PPP6R3: variants seen among roughly 807,000 people sequenced by gnomAD.
PPP6R3 encodes the protein protein phosphatase 6 regulatory subunit 3, also known as serine/threonine-protein phosphatase 6 regulatory subunit 3.
Under a neutral mutation model 110.7 loss-of-function variants are expected in PPP6R3, and 38 were observed. The ratio of observed to expected loss-of-function variants is 0.34; its 90% CI spans 0.26 to 0.45. The LOEUF is 0.45. Among genes scored for constraint, PPP6R3 ranks in the 20% least tolerant of loss-of-function variants. The probability of loss-of-function intolerance (pLI) is 1.00; values close to 1 mark genes in which losing one functional copy is unlikely to be tolerated. For missense variants in PPP6R3, 870 were observed against 1,062.4 expected (o/e 0.82, Z 2.52); for synonymous variants, 369 against 373.5 (o/e 0.99, Z 0.14).
chr11:68,609,754 T>C, intron 22 of PPP6R3, 150 bp from the exon 23 acceptor site: 3 of 1,554,936 alleles, frequency 1.9e-6, no homozygotes, highest in Non-Finnish European at 2.7e-6. Flanking sequence ...TGTGGTTGTG[T>C]GATCGTGCAC....
intron 3 of PPP6R3, among the ~76,000 whole-genome samples, chr11:68,542,394 T>G (rs902431118): frequency 5.2e-5 from 5 of 95,720 alleles, no homozygotes; most frequent in Non-Finnish European, 1.1e-4. Flanking sequence ...CTGCTGTTTT[T>G]TTTTTTTTTT....
intron 1 of PPP6R3, among the ~76,000 whole-genome samples, chr11:68,481,368 C>A (rs2098910259): frequency 6.6e-6 from 1 of 152,152 alleles, no homozygotes; most frequent in South Asian, 2.1e-4. Context: ...AGCAGGAGCA[C>A]ACTGCTGATC....
At chr11:68,474,319 T>G (rs550283069) in intron 1 of PPP6R3, among the ~76,000 whole-genome samples, 1 of 152,358 alleles carries the variant, frequency 6.6e-6, no homozygotes, top group South Asian at 2.1e-4. Context: ...GTGTTGGGAT[T>G]ACAGGCATGT....
intron 12 of PPP6R3, among the ~76,000 whole-genome samples, chr11:68,573,154 A>ATATATATATATATAT (rs35361909): frequency 4.9e-3 from 364 of 73,922 alleles, no homozygotes; most frequent in Non-Finnish European, 6.3e-3. Context: ...ATATATATAT[A>ATATATATATATATAT]ATTTTTTTTT....
chr11:68,603,784 G>C (rs974117317), intron 22 of PPP6R3, among the ~76,000 whole-genome samples: 2 of 152,184 alleles, frequency 1.3e-5, no homozygotes, highest in African/African-American at 4.8e-5. Flanking sequence ...ATTGGCTTGT[G>C]TAACAGGCTA....
chr11:68,481,624 A>G (rs1034326702), intron 1 of PPP6R3, among the ~76,000 whole-genome samples: 2 of 152,220 alleles, frequency 1.3e-5, no homozygotes, highest in Non-Finnish European at 2.9e-5. Context: ...GCATGTTTGT[A>G]TCTATCTCTA....
chr11:68,498,109 C>A (rs946606992), intron 1 of PPP6R3, among the ~76,000 whole-genome samples: 4 of 152,088 alleles, frequency 2.6e-5, no homozygotes, highest in Non-Finnish European at 5.9e-5. Flanking sequence ...AGTATAAACA[C>A]CTTAGAATAA....
intron 3 of PPP6R3, among the ~76,000 whole-genome samples, chr11:68,542,200 G>A (rs1198892049): frequency 1.3e-5 from 2 of 151,716 alleles, no homozygotes; most frequent in Non-Finnish European, 2.9e-5. Context: ...ATGACCTCAG[G>A]AGCAAGGGCC....
chr11:68,545,718 C>T (rs115553380), intron 4 of PPP6R3, among the ~76,000 whole-genome samples: 1,555 of 152,330 alleles, frequency 0.01, 10 homozygotes, highest in African/African-American at 0.012. Flanking sequence ...ATGGGCCCAG[C>T]AGTCTGGGTT....
intron 19 of PPP6R3, among the ~76,000 whole-genome samples, chr11:68,599,264 C>T (rs1237199035): frequency 1.3e-5 from 2 of 152,220 alleles, no homozygotes; most frequent in Non-Finnish European, 2.9e-5. Flanking sequence ...ATTGAGGATT[C>T]AGCACTCTGT....
intron 23 of PPP6R3, among the ~76,000 whole-genome samples, chr11:68,611,075 T>C (rs894134870): frequency 3.3e-5 from 5 of 152,226 alleles, no homozygotes; most frequent in African/African-American, 1.2e-4. Flanking sequence ...GCATGTTGGC[T>C]CTAGTGAAGG....
rs1448287057 is a variant in PPP6R3, at chr11:68,566,676, T to G, written c.976-338T>G. ...GTGCCCGGCCATAACTTCTTTTAGT[T>G]TAGATTTCTGGTCAGATTTTGAAAT... On this transcript the variant is annotated intron_variant, in intron 9 of 23. Transcript: ENST00000393800. Among the ~76,000 whole-genome samples the G allele has an allele frequency of 1.2e-3, 176 of 152,148 alleles. 6 individuals carry two copies. The highest frequency in any genetic ancestry group is 0.011 in the Admixed American group (174 of 15,288).
chr11:68,504,852 G>A (rs973519314), intron 1 of PPP6R3, among the ~76,000 whole-genome samples: 2 of 152,250 alleles, frequency 1.3e-5, no homozygotes, highest in Admixed American at 1.3e-4. Context: ...GTGTTTTTAC[G>A]TGTGGACTAA....
chr11:68,475,690 C>T (rs1297829871), intron 1 of PPP6R3, among the ~76,000 whole-genome samples: 1 of 150,776 alleles, frequency 6.6e-6, no homozygotes, highest in East Asian at 2.0e-4. Context: ...CTGCCCCCCA[C>T]CTCCCTCCCG....
chr11:68,581,328 GTTTC>G lies in PPP6R3; in HGVS notation c.1546-1709_1546-1706del, dbSNP rs148956802. Among the ~76,000 whole-genome samples the G allele has an allele frequency of 8.3e-3, 1,269 of 152,288 alleles. 6 individuals carry two copies. The highest frequency in any genetic ancestry group is 0.013 in the Non-Finnish European group (904 of 68,008). ...GCACATAGTAGTTCAATAAAAGTTA[GTTTC>G]TTTCTCATCTTTAATTAAAGAGTGT... On this transcript the variant is annotated intron_variant, in intron 14 of 23. Transcript: ENST00000393800.
At chr11:68,497,843 C>T (rs1282259861) in intron 1 of PPP6R3, among the ~76,000 whole-genome samples, 1 of 152,102 alleles carries the variant, frequency 6.6e-6, no homozygotes, top group Non-Finnish European at 1.5e-5. Flanking sequence ...TCCGTGGCCA[C>T]AAAGATTAAC....
intron 21 of PPP6R3, 31 bp from the exon 22 acceptor site, chr11:68,603,311 T>C (rs776964788): frequency 3.7e-6 from 6 of 1,611,656 alleles, no homozygotes; most frequent in Non-Finnish European, 5.1e-6. Context: ...TCGGGCTTGC[T>C]GTGTGTGACC....
intron 1 of PPP6R3, chr11:68,514,960 T>G (rs1459312710): frequency 6.6e-6 from 1 of 152,174 alleles, no homozygotes; most frequent in Non-Finnish European, 1.5e-5. Flanking sequence ...GAATTATATT[T>G]TTGGGATTTT....
At chr11:68,502,531 T>C (rs1161139185) in intron 1 of PPP6R3, among the ~76,000 whole-genome samples, 2 of 152,210 alleles carry the variant, frequency 1.3e-5, no homozygotes, top group African/African-American at 4.8e-5. Flanking sequence ...ATTAGGAAGC[T>C]GTGTCCAAAG....
Sources: allele counts gnomAD v4.1 joint callset (sites outside exome capture counted in the v4.1 genomes callset), GRCh38; gene constraint gnomAD v4.1.1; transcripts MANE v1.5; gene names NCBI Gene and HGNC (gene_info 2026-07-23, HGNC 2026-07-21).